Variants in FHIT observed in about 807,000 individuals in gnomAD.
FHIT encodes the protein fragile histidine triad diadenosine triphosphatase, also known as bis(5'-adenosyl)-triphosphatase.
A neutral mutation model predicts 17.9 loss-of-function variants in FHIT; 19 were observed. The ratio of observed to expected loss-of-function variants is 1.06; its 90% CI spans 0.74 to 1.56. FHIT has a LOEUF of 1.56. Ranked by LOEUF, FHIT falls within the 40% of genes most tolerant of loss-of-function variation. The pLI is 0.00. For synonymous variants in FHIT, 81 were observed against 69.7 expected, an observed-to-expected ratio of 1.16 and a Z score of -0.81; for missense variants, 248 against 189.2, an observed-to-expected ratio of 1.31 and a Z score of -1.82.
At chr3:60,260,064 T>G (rs1706213789) in intron 5 of FHIT, among the ~76,000 whole-genome samples, 2 of 152,088 alleles carry the variant, frequency 1.3e-5, no homozygotes, top group South Asian at 4.1e-4. Flanking sequence ...AGAAAGGATT[T>G]GCTTTAAGGC....
intron 8 of FHIT, among the ~76,000 whole-genome samples, chr3:59,835,732 T>C (rs535191977): frequency 8.4e-4 from 128 of 152,304 alleles, no homozygotes; most frequent in African/African-American, 1.9e-3. Context: ...AAGACTCTCT[T>C]TGAGGTGTGT....
intron 5 of FHIT, among the ~76,000 whole-genome samples, chr3:60,174,845 T>TGG (rs1701595100): frequency 1.3e-5 from 2 of 152,162 alleles, no homozygotes; most frequent in Admixed American, 1.3e-4. Flanking sequence ...CCCCTAGAAA[T>TGG]GACCAACGTG....
rs150809264 is a variant in FHIT at position 60,022,776 on chromosome 3, G to C, written c.104-8624C>G. On this transcript the variant is annotated intron_variant, in intron 5 of 9. Coordinates refer to ENST00000492590, the MANE Select transcript of FHIT (RefSeq NM_002012.4). ...CCAGGGAGGAAAAAAATATTAGCGTGTATACCAAGTACCTGCCATTCTTCA... is the reference window on the plus strand; with the variant it reads ...CCAGGGAGGAAAAAAATATTAGCGTCTATACCAAGTACCTGCCATTCTTCA... 1.4e-3 allele frequency among the ~76,000 whole-genome samples: 215 copies of C among 152,242 alleles called. 1 individual carries two copies. The highest frequency in any genetic ancestry group is 4.7e-3 in the African/African-American group (197 of 41,546).
intron 2 of FHIT, among the ~76,000 whole-genome samples, chr3:61,135,273 A>T (rs2036882700): frequency 6.6e-6 from 1 of 152,214 alleles, no homozygotes; most frequent in Admixed American, 6.5e-5. Context: ...GCCTCTGCAT[A>T]AAAATATGAA....
intron 5 of FHIT, among the ~76,000 whole-genome samples, chr3:60,368,400 AC>A (rs1450823210): frequency 6.6e-6 from 1 of 151,926 alleles, no homozygotes; most frequent in Admixed American, 6.6e-5. Flanking sequence ...GATATTGAAC[AC>A]CTTTTAATGG....
chr3:61,056,364 T>C (rs934593933), intron 2 of FHIT, among the ~76,000 whole-genome samples: 5 of 152,236 alleles, frequency 3.3e-5, no homozygotes, highest in Non-Finnish European at 5.9e-5. Flanking sequence ...CTTGGTTCAA[T>C]AGATCTTTGT....
chr3:60,660,236 A>G (rs1395352928), intron 4 of FHIT, among the ~76,000 whole-genome samples: 1 of 152,176 alleles, frequency 6.6e-6, no homozygotes, highest in Non-Finnish European at 1.5e-5. Context: ...AGGAAATGCA[A>G]CAACAATGGC....
chr3:61,025,998 T>A (rs1314897859), intron 3 of FHIT, among the ~76,000 whole-genome samples: 1 of 152,160 alleles, frequency 6.6e-6, no homozygotes, highest in Non-Finnish European at 1.5e-5. Flanking sequence ...GCACAAAAAT[T>A]TATTGGTACA....
intron 3 of FHIT, among the ~76,000 whole-genome samples, chr3:60,936,553 G>C (rs1243354619): frequency 6.6e-6 from 1 of 152,144 alleles, no homozygotes; most frequent in Non-Finnish European, 1.5e-5. Flanking sequence ...ATAGAACTTA[G>C]GTCAGAGTTA....
chr3:60,317,635 G>GTATATATA (rs372678434), intron 5 of FHIT, among the ~76,000 whole-genome samples: 12 of 134,476 alleles, frequency 8.9e-5, no homozygotes, highest in African/African-American at 3.1e-4. Context: ...GTGTGTGTGT[G>GTATATATA]TATATATATA....
At chr3:59,857,485 A>G (rs1353969060) in intron 8 of FHIT, among the ~76,000 whole-genome samples, 1 of 152,246 alleles carries the variant, frequency 6.6e-6, no homozygotes, top group East Asian at 1.9e-4. Context: ...CCACCAGGTT[A>G]TCAAAAATGT....
At chr3:59,809,865 G>T (rs1411730548) in intron 8 of FHIT, among the ~76,000 whole-genome samples, 1 of 152,144 alleles carries the variant, frequency 6.6e-6, no homozygotes, top group Non-Finnish European at 1.5e-5. Flanking sequence ...TCCTTTTCCA[G>T]GCTGAGAGAC....
chr3:59,822,682 T>C (rs1378761071), intron 8 of FHIT, among the ~76,000 whole-genome samples: 3 of 152,190 alleles, frequency 2.0e-5, no homozygotes, highest in Admixed American at 2.0e-4. Flanking sequence ...TTGAGTTCCT[T>C]ATAGATTCTG....
chr3:60,426,306 G>A (rs1702662628), intron 5 of FHIT, among the ~76,000 whole-genome samples: 1 of 152,138 alleles, frequency 6.6e-6, no homozygotes, highest in African/African-American at 2.4e-5. Context: ...AAATACAATT[G>A]AAAGAAGAGA....
At chr3:60,051,437 G>T (rs150738519) in intron 5 of FHIT, among the ~76,000 whole-genome samples, 1 of 151,728 alleles carries the variant, frequency 6.6e-6, no homozygotes, top group African/African-American at 2.4e-5. Context: ...TAAGGAGGAG[G>T]CAGGATTTGA....
At chr3:60,330,353 C>T (rs960306702) in intron 5 of FHIT, among the ~76,000 whole-genome samples, 15 of 152,270 alleles carry the variant, frequency 9.9e-5, no homozygotes, top group African/African-American at 3.6e-4. Flanking sequence ...CAGTCAAGCA[C>T]TTGTCATTAT....
At chr3:61,043,309 C>T (rs1575898310) in intron 2 of FHIT, among the ~76,000 whole-genome samples, 1 of 152,274 alleles carries the variant, frequency 6.6e-6, no homozygotes, top group South Asian at 2.1e-4. Context: ...GATTATATCC[C>T]GCGCCTAGCT....
chr3:60,342,662 G>T (rs1363028460), intron 5 of FHIT, among the ~76,000 whole-genome samples: 2 of 152,098 alleles, frequency 1.3e-5, no homozygotes, highest in Admixed American at 6.6e-5. Context: ...CACAGAAAGA[G>T]AAAAAACTTT....
intron 4 of FHIT, among the ~76,000 whole-genome samples, chr3:60,714,065 C>G (rs1553705937): frequency 6.6e-6 from 1 of 152,176 alleles, no homozygotes; most frequent in African/African-American, 2.4e-5. Flanking sequence ...TCCAGCAGCA[C>G]AACAAAAAGC....
Sources: gnomAD v4.1 joint callset for allele counts (sites outside exome capture counted in the v4.1 genomes callset) on GRCh38, gnomAD v4.1.1 for gene constraint, MANE v1.5 for transcripts, NCBI Gene and HGNC (gene_info 2026-07-23, HGNC 2026-07-21) for gene names.